TENM4: variants seen among roughly 807,000 people sequenced by gnomAD.
TENM4 encodes teneurin transmembrane protein 4.
Under a neutral mutation model 243.3 loss-of-function variants are expected in TENM4, and 82 were observed. The observed-to-expected ratio is 0.34, with a 90% CI of 0.28 to 0.40. TENM4 has a LOEUF of 0.40. TENM4 is among the 10% of genes least tolerant of loss of function. The probability of loss-of-function intolerance (pLI) is 1.00; values close to 1 mark genes in which losing one functional copy is unlikely to be tolerated. For missense variants in TENM4, 3,138 were observed against 3,673.3 expected (o/e 0.85, Z 3.77); for synonymous variants, 1,412 against 1,456.3 (o/e 0.97, Z 0.69).
chr11:79,434,823 T>C (rs1208277048), intron 1 of TENM4, among the ~76,000 whole-genome samples: 1 of 152,194 alleles, frequency 6.6e-6, no homozygotes, highest in Non-Finnish European at 1.5e-5. Flanking sequence ...CCTTTAACCC[T>C]GAAATGCTAC....
intron 2 of TENM4, among the ~76,000 whole-genome samples, chr11:79,289,953 CTTTT>C (rs1271432305): frequency 6.9e-6 from 1 of 145,956 alleles, no homozygotes; most frequent in East Asian, 2.1e-4. Context: ...TTTTTTCTTT[CTTTT>C]TCTTTTTCTT....
chr11:79,050,120 G>C (rs1859758931), intron 6 of TENM4, among the ~76,000 whole-genome samples: 1 of 152,222 alleles, frequency 6.6e-6, no homozygotes, highest in Non-Finnish European at 1.5e-5. Context: ...CTGGACTGGG[G>C]AGATGATGTC....
At position 79,112,122 on chromosome 11, in the gene TENM4, C is replaced by T. The variant is rs118132659; in HGVS notation, c.-66+36588G>A. ...GGTCTTCTCTGCCCAGCCATGAACACGTTCCGCCATCAGCAGTGCCATCTT... is the reference window on the plus strand; with the variant it reads ...GGTCTTCTCTGCCCAGCCATGAACATGTTCCGCCATCAGCAGTGCCATCTT... On this transcript the variant is annotated intron_variant, in intron 4 of 33. Transcript: ENST00000278550. Among the ~76,000 whole-genome samples the T allele has an allele frequency of 5.5e-4, 84 of 152,150 alleles. No homozygotes were observed. In the East Asian group the frequency reaches 0.014, roughly 25 times the overall value.
At chr11:78,972,467 T>TA (rs915173553) in intron 6 of TENM4, among the ~76,000 whole-genome samples, 4 of 152,164 alleles carry the variant, frequency 2.6e-5, no homozygotes, top group Non-Finnish European at 5.9e-5. Flanking sequence ...TCGGGGACTT[T>TA]AAAAAAATTT....
At chr11:78,689,346 A>C (rs551311961) in intron 28 of TENM4, among the ~76,000 whole-genome samples, 1 of 152,290 alleles carries the variant, frequency 6.6e-6, no homozygotes, top group South Asian at 2.1e-4. Flanking sequence ...GAAGTGTAAA[A>C]AGGCAGGCTT....
intron 4 of TENM4, among the ~76,000 whole-genome samples, chr11:79,077,150 G>T (rs911614461): frequency 6.6e-6 from 1 of 152,108 alleles, no homozygotes. Flanking sequence ...TCTCCTCCCC[G>T]AACTCCCAGT....
At chr11:79,342,874 C>A (rs937077810) in intron 1 of TENM4, among the ~76,000 whole-genome samples, 2 of 152,222 alleles carry the variant, frequency 1.3e-5, no homozygotes, top group African/African-American at 2.4e-5. Context: ...GCGTCCCTGG[C>A]GCCCTGCAGC....
chr11:79,125,963 G>T (rs1419843898), intron 4 of TENM4, among the ~76,000 whole-genome samples: 1 of 152,166 alleles, frequency 6.6e-6, no homozygotes, highest in African/African-American at 2.4e-5. Context: ...TGGAGAACAG[G>T]CATGGGAACG....
At chr11:79,409,796 A>G (rs1284334713) in intron 1 of TENM4, among the ~76,000 whole-genome samples, 1 of 152,210 alleles carries the variant, frequency 6.6e-6, no homozygotes, top group Non-Finnish European at 1.5e-5. Context: ...ACCAATGAGG[A>G]ACATCTGTAG....
chr11:78,735,568 C>T (rs1342144559), intron 20 of TENM4, among the ~76,000 whole-genome samples: 1 of 152,230 alleles, frequency 6.6e-6, no homozygotes, highest in Non-Finnish European at 1.5e-5. Context: ...AGGCCCGCTC[C>T]TCTGGAGGGG....
chr11:78,936,264 C>T (rs1856781188), intron 6 of TENM4, among the ~76,000 whole-genome samples: 1 of 152,200 alleles, frequency 6.6e-6, no homozygotes, highest in Admixed American at 6.5e-5. Context: ...TTTAATATAG[C>T]TTGAGTCTGA....
chr11:79,057,047 T>A (rs961790330), intron 6 of TENM4, among the ~76,000 whole-genome samples: 2 of 152,188 alleles, frequency 1.3e-5, no homozygotes, highest in Non-Finnish European at 2.9e-5. Context: ...CTGCCACACC[T>A]CAGTGAACTA....
chr11:79,305,931 C>T (rs1218493918), intron 1 of TENM4, among the ~76,000 whole-genome samples: 1 of 152,194 alleles, frequency 6.6e-6, no homozygotes, highest in Non-Finnish European at 1.5e-5. Flanking sequence ...GTGGGCCTGG[C>T]TGCCTCAGAG....
intron 1 of TENM4, among the ~76,000 whole-genome samples, chr11:79,308,169 T>C (rs1785426071): frequency 1.3e-5 from 2 of 152,238 alleles, no homozygotes; most frequent in African/African-American, 4.8e-5. Context: ...TCCCAGGAGT[T>C]TGGGCAGCCT....
rs1168104383 is a variant in TENM4, at chr11:78,787,259, G to T, written c.2180-176C>A. ...TCTGTGACAGATCAGGATTCCAGAG[G>T]CTCGCGAGACTAATCTCCGTGGACA... On this transcript the variant is annotated intron_variant, in intron 15 of 33. Transcript: ENST00000278550. Among the ~76,000 whole-genome samples the T allele has an allele frequency of 3.9e-5, 6 of 152,320 alleles. No individual in the cohort carries two copies. The South Asian group carries it at 8.3e-4, about 21-fold the overall frequency.
At chr11:79,437,213 T>A (rs1219551518) in intron 1 of TENM4, among the ~76,000 whole-genome samples, 1 of 152,210 alleles carries the variant, frequency 6.6e-6, no homozygotes, top group Non-Finnish European at 1.5e-5. Context: ...GTGCTATGTG[T>A]GACTTCGCTG....
rs896002361 is a variant in TENM4 at position 78,977,416 on chromosome 11, C to G, written c.494-73893G>C. On this transcript the variant is annotated intron_variant, in intron 6 of 33. Coordinates refer to ENST00000278550, the MANE Select transcript of TENM4 (RefSeq NM_001098816.3). ...TAACACTGTCCTTGTGGAACTTACA[C>G]TATAAAAGTCCCCTTTTACAGATGA... Among the ~76,000 whole-genome samples, 7 of 152,358 alleles carry G rather than the reference C, an allele frequency of 4.6e-5. No individual in the cohort carries two copies. The East Asian group carries it at 1.3e-3, about 29-fold the overall frequency.
chr11:79,394,882 T>C (rs1285204204), intron 1 of TENM4, among the ~76,000 whole-genome samples: 3 of 152,020 alleles, frequency 2.0e-5, no homozygotes, highest in South Asian at 2.1e-4. Flanking sequence ...AGACTGGACT[T>C]ATCAGCTGCA....
chr11:79,224,293 T>C (rs556940046), intron 2 of TENM4, among the ~76,000 whole-genome samples: 4 of 152,342 alleles, frequency 2.6e-5, no homozygotes, highest in Non-Finnish European at 5.9e-5. Flanking sequence ...GGTTCAGGGC[T>C]GGGCACCTTA....
Sources: gnomAD v4.1 joint callset for allele counts (sites outside exome capture counted in the v4.1 genomes callset) on GRCh38, gnomAD v4.1.1 for gene constraint, MANE v1.5 for transcripts, NCBI Gene and HGNC (gene_info 2026-07-23, HGNC 2026-07-21) for gene names.